SLC35F4: variants seen among roughly 807,000 people sequenced by gnomAD.
The protein encoded by SLC35F4 is chromosome 14 open reading frame 36.
Under a neutral mutation model 44.2 loss-of-function variants are expected in SLC35F4, and 24 were observed. That is an observed-to-expected ratio of 0.54 (90% CI 0.39 to 0.76). The LOEUF (loss-of-function observed/expected upper bound fraction) is 0.76, where lower values mean the gene tolerates loss of function less well. SLC35F4 is among the 30% of genes least tolerant of loss of function. SLC35F4 has a pLI of 0.00. For synonymous variants in SLC35F4, 238 were observed against 223.6 expected (o/e 1.06, Z -0.57); for missense variants, 562 against 586.1 (o/e 0.96, Z 0.42).
chr14:57,931,594 G>GA (rs60637550), intron 1 of SLC35F4, among the ~76,000 whole-genome samples: 3,610 of 152,218 alleles, frequency 0.024, 144 homozygotes, highest in African/African-American at 0.082. Flanking sequence ...ATAGCTGGGA[G>GA]AAAAAAACAA....
At chr14:57,686,928 T>C (rs2075084213) in intron 1 of SLC35F4, among the ~76,000 whole-genome samples, 1 of 151,776 alleles carries the variant, frequency 6.6e-6, no homozygotes, top group Non-Finnish European at 1.5e-5. Context: ...GTGATAGTAT[T>C]TAGAGATAAG....
chr14:57,976,905 T>G (rs1475114705), exon 2 of SLC35F4: 2 of 152,218 alleles, frequency 1.3e-5, no homozygotes, highest in African/African-American at 2.4e-5. Context: ...GTCTTGACAT[T>G]CTGCAGACAT....
At chr14:57,672,076 G>A (rs2096687382) in intron 1 of SLC35F4, among the ~76,000 whole-genome samples, 1 of 152,056 alleles carries the variant, frequency 6.6e-6, no homozygotes, top group Non-Finnish European at 1.5e-5. Flanking sequence ...TCAGACATGT[G>A]GAGTTTGGCT....
At chr14:57,714,593 C>T (rs1263615262) in intron 1 of SLC35F4, among the ~76,000 whole-genome samples, 1 of 152,082 alleles carries the variant, frequency 6.6e-6, no homozygotes, top group African/African-American at 2.4e-5. Context: ...AGAAAGAATG[C>T]AAACGATATT....
chr14:57,611,980 T>A (rs1331615541), intron 1 of SLC35F4, among the ~76,000 whole-genome samples: 1 of 152,204 alleles, frequency 6.6e-6, no homozygotes, highest in East Asian at 1.9e-4. Context: ...GTCAGCCTCA[T>A]AATCTCCAGC....
At chr14:57,969,320 A>G (rs571244705) in intron 1 of SLC35F4, among the ~76,000 whole-genome samples, 1 of 152,376 alleles carries the variant, frequency 6.6e-6, no homozygotes, top group South Asian at 2.1e-4. Flanking sequence ...TTATTTTAGA[A>G]GAATGTTGCT....
At chr14:57,801,786 A>G (rs368780681) in intron 1 of SLC35F4, among the ~76,000 whole-genome samples, 2 of 152,238 alleles carry the variant, frequency 1.3e-5, no homozygotes, top group East Asian at 3.8e-4. Flanking sequence ...AGAGCTAACT[A>G]TCCTAAATAT....
At chr14:57,845,323 AT>A (rs1714216906) in intron 1 of SLC35F4, among the ~76,000 whole-genome samples, 1 of 152,278 alleles carries the variant, frequency 6.6e-6, no homozygotes, top group Non-Finnish European at 1.5e-5. Context: ...CTGAGCCTCA[AT>A]TTTTTCATCT....
chr14:57,821,939 G>A (rs867053501), intron 1 of SLC35F4, among the ~76,000 whole-genome samples: 10 of 152,308 alleles, frequency 6.6e-5, no homozygotes, highest in Middle Eastern at 3.4e-3. Context: ...CTAAGGAGGT[G>A]CCCACTCTCA....
intron 1 of SLC35F4, among the ~76,000 whole-genome samples, chr14:57,599,271 A>G (rs1395265297): frequency 6.6e-6 from 1 of 152,238 alleles, no homozygotes; most frequent in Non-Finnish European, 1.5e-5. Context: ...TGGTCAAGGT[A>G]TAGGGCCATA....
chr14:57,925,364 T>A (rs1025586409), intron 1 of SLC35F4, among the ~76,000 whole-genome samples: 111 of 152,044 alleles, frequency 7.3e-4, no homozygotes, highest in African/African-American at 2.7e-3. Flanking sequence ...AATGAAGAGT[T>A]TTTTTGAATA....
chr14:57,765,911 A>G (rs187240678), intron 1 of SLC35F4, among the ~76,000 whole-genome samples: 4 of 152,352 alleles, frequency 2.6e-5, no homozygotes, highest in Admixed American at 2.0e-4. Flanking sequence ...CCCTTTCAGC[A>G]ATGGTAAGTG....
intron 1 of SLC35F4, among the ~76,000 whole-genome samples, chr14:57,607,723 G>A (rs945540618): frequency 1.3e-5 from 2 of 152,312 alleles, no homozygotes; most frequent in South Asian, 2.1e-4. Context: ...CGTGGAGAAC[G>A]GACTGAGAGG....
intron 1 of SLC35F4, among the ~76,000 whole-genome samples, chr14:57,977,216 A>G (rs1360321277): frequency 6.6e-6 from 1 of 152,186 alleles, no homozygotes; most frequent in Non-Finnish European, 1.5e-5. Flanking sequence ...TAATTTATAT[A>G]ACTAGATTTA....
chr14:57,614,587 T>A (rs1334220119), intron 1 of SLC35F4, among the ~76,000 whole-genome samples: 1 of 152,118 alleles, frequency 6.6e-6, no homozygotes, highest in African/African-American at 2.4e-5. Context: ...AAGAACAAGT[T>A]GAAAAAGAAT....
chr14:57,709,131 A>G (rs1348397253), intron 1 of SLC35F4, among the ~76,000 whole-genome samples: 1 of 152,036 alleles, frequency 6.6e-6, no homozygotes, highest in Non-Finnish European at 1.5e-5. Flanking sequence ...GGCCCTCCAC[A>G]AGAGGTGGAG....
upstream of SLC35F4, among the ~76,000 whole-genome samples, chr14:57,870,234 C>T (rs1250332845): frequency 6.6e-6 from 1 of 151,240 alleles, no homozygotes; most frequent in Non-Finnish European, 1.5e-5. Context: ...GTGTGTCTGT[C>T]TATCTCTCTG....
At chr14:57,675,915 G>T (rs1172438008) in intron 1 of SLC35F4, among the ~76,000 whole-genome samples, 1 of 151,948 alleles carries the variant, frequency 6.6e-6, no homozygotes, top group East Asian at 1.9e-4. Context: ...CTTAGGCAAA[G>T]AATTCATGAC....
At chr14:57,701,854 G>A (rs1189441598) in intron 1 of SLC35F4, among the ~76,000 whole-genome samples, 1 of 152,120 alleles carries the variant, frequency 6.6e-6, no homozygotes, top group Non-Finnish European at 1.5e-5. Flanking sequence ...TTACCGTATT[G>A]TACTTACCCA....
Sources: allele counts gnomAD v4.1 joint callset (sites outside exome capture counted in the v4.1 genomes callset), GRCh38; gene constraint gnomAD v4.1.1; transcripts MANE v1.5; gene names NCBI Gene and HGNC (gene_info 2026-07-23, HGNC 2026-07-21).